FNIP1: variants seen among roughly 807,000 people sequenced by gnomAD.
The protein encoded by FNIP1 is folliculin interacting protein 1, also known as folliculin-interacting protein 1.
In FNIP1, 40 loss-of-function variants were observed where a neutral mutation model predicts 124.5. The observed-to-expected ratio is 0.32, with a 90% CI of 0.25 to 0.42. The LOEUF (loss-of-function observed/expected upper bound fraction) is 0.42. Ranked by LOEUF, FNIP1 falls within the 10% of genes least tolerant of loss-of-function variation. The pLI is 1.00. For synonymous variants in FNIP1, 472 were observed against 470.6 expected, an observed-to-expected ratio of 1.00 and a Z score of -0.04; for missense variants, 1,176 against 1,403.7, an observed-to-expected ratio of 0.84 and a Z score of 2.59.
intron 1 of FNIP1, among the ~76,000 whole-genome samples, chr5:131,775,200 T>C (rs1240296339): frequency 6.6e-6 from 1 of 152,174 alleles, no homozygotes; most frequent in Non-Finnish European, 1.5e-5. Flanking sequence ...ATAAATAAGA[T>C]ATGAGACAGC....
rs1385916018 is a variant in FNIP1, at chr5:131,717,240, T to C, written c.531-584A>G. On this transcript the variant is annotated intron_variant, in intron 5 of 17. Coordinates refer to ENST00000510461, the MANE Select transcript of FNIP1 (RefSeq NM_133372.3). ...TCTATGAGTGAGAACATGTGGTGTT[T>C]GGTTTTTTGTCCTTGTGATAGTTTG... 2.0e-5 allele frequency among the ~76,000 whole-genome samples: 3 copies of C among 152,000 alleles called. No individual in the cohort carries two copies. The East Asian group carries it at 5.8e-4, about 29-fold the overall frequency.
chr5:131,706,392 G>A lies in FNIP1; in HGVS notation c.914+19C>T. 1 of 1,601,356 alleles carries A rather than the reference G, an allele frequency of 6.2e-7. No homozygotes were observed. Among genetic ancestry groups the A allele is most frequent in the East Asian group, 2.2e-5 (1 of 44,698 alleles). ...AAGGAACTACTCAATCTTGTTCTGTGTTTAAAGTTCCAACTTACCATCTAG... is the reference window on the plus strand; with the variant it reads ...AAGGAACTACTCAATCTTGTTCTGTATTTAAAGTTCCAACTTACCATCTAG... On this transcript the variant is annotated intron_variant, in intron 9 of 17. Coordinates refer to ENST00000510461, the MANE Select transcript of FNIP1 (RefSeq NM_133372.3).
At chr5:131,659,568 C>A (rs535255629) in intron 15 of FNIP1, among the ~76,000 whole-genome samples, 7 of 152,300 alleles carry the variant, frequency 4.6e-5, no homozygotes, top group African/African-American at 1.7e-4. Context: ...TTAGTAAGGT[C>A]CCGGCCAGCC....
At position 131,671,665 on chromosome 5, in the gene FNIP1, C is replaced by A; in HGVS notation, c.2779G>T (p.Val927Leu). The change falls in exon 14 of 18, where the codon GTA becomes TTA. Residue 927 changes from valine to leucine, a missense_variant. Coordinates refer to ENST00000510461, the MANE Select transcript of FNIP1 (RefSeq NM_133372.3). ...DKESSDKKIA[V>L]GTEWDIPRNE... Reference sequence around the variant, plus strand: ...CTTGGAATGTCCCATTCAGTTCCTACAGCAATTTTTTTATCTGAACTCTCT... The same window carrying A: ...CTTGGAATGTCCCATTCAGTTCCTAAAGCAATTTTTTTATCTGAACTCTCT... The A allele has an allele frequency of 6.2e-7, 1 of 1,614,170 alleles. No homozygotes were observed. Among genetic ancestry groups the A allele is most frequent in the Non-Finnish European group, 8.5e-7 (1 of 1,180,024 alleles).
chr5:131,792,465 T>C (rs1009015756), intron 1 of FNIP1, among the ~76,000 whole-genome samples: 1 of 152,170 alleles, frequency 6.6e-6, no homozygotes. Context: ...CCAGCCACAA[T>C]TGGCACTTTT....
At chr5:131,794,020 T>C (rs1772494119) in intron 1 of FNIP1, among the ~76,000 whole-genome samples, 1 of 151,618 alleles carries the variant, frequency 6.6e-6, no homozygotes. Flanking sequence ...ATCAAAAGAA[T>C]AAAAAAACGA....
intron 2 of FNIP1, among the ~76,000 whole-genome samples, chr5:131,731,991 A>C (rs1770109693): frequency 6.6e-6 from 1 of 152,232 alleles, no homozygotes; most frequent in African/African-American, 2.4e-5. Context: ...TTAATGAGAG[A>C]ATGAACTTAG....
At chr5:131,659,627 G>T (rs931030453) in intron 15 of FNIP1, among the ~76,000 whole-genome samples, 2 of 152,182 alleles carry the variant, frequency 1.3e-5, no homozygotes, top group African/African-American at 4.8e-5. Context: ...CTCGTAGATG[G>T]GCACTGTGTG....
chr5:131,765,175 C>T (rs1390786799), intron 1 of FNIP1, among the ~76,000 whole-genome samples: 1 of 151,782 alleles, frequency 6.6e-6, no homozygotes, highest in Non-Finnish European at 1.5e-5. Context: ...TGAGCTGTGA[C>T]AATGTTACTG....
chr5:131,648,770 C>G (rs1286452945), intron 16 of FNIP1, among the ~76,000 whole-genome samples: 1 of 152,170 alleles, frequency 6.6e-6, no homozygotes, highest in Non-Finnish European at 1.5e-5. Flanking sequence ...TGCTCATCAT[C>G]TCAAACAAAA....
intron 17 of FNIP1, among the ~76,000 whole-genome samples, chr5:131,645,355 T>C (rs1422069881): frequency 6.6e-6 from 1 of 151,932 alleles, no homozygotes; most frequent in Non-Finnish European, 1.5e-5. Context: ...CCAGATTGTT[T>C]TGGATTCAAA....
At chr5:131,700,739 T>TA (rs1247478537) in intron 10 of FNIP1, among the ~76,000 whole-genome samples, 4,382 of 147,994 alleles carry the variant, frequency 0.03, 211 homozygotes, top group African/African-American at 0.099. Flanking sequence ...AGCTTTTATT[T>TA]AAAAAAAAAA....
chr5:131,779,353 T>C (rs1184201454), intron 1 of FNIP1, among the ~76,000 whole-genome samples: 1 of 151,942 alleles, frequency 6.6e-6, no homozygotes, highest in Non-Finnish European at 1.5e-5. Context: ...TAGTAATTGT[T>C]TCAAGATTCA....
chr5:131,647,164 G>A lies in FNIP1; in HGVS notation c.3348C>T (p.Phe1116=). 2 of 1,614,116 alleles carry A rather than the reference G, an allele frequency of 1.2e-6. No individual in the cohort carries two copies. Among genetic ancestry groups the A allele is most frequent in the Non-Finnish European group, 1.7e-6 (2 of 1,179,998 alleles). Residue 1116 remains phenylalanine (F), a synonymous_variant, in exon 17 of 18, where the codon TTC becomes TTT. Coordinates refer to ENST00000510461, the MANE Select transcript of FNIP1 (RefSeq NM_133372.3). ...GGTATTCAGACAGCATTTTACTTTT[G>A]AAGTATAGCTCCTGCAACCGGTCTT... ...HLEDRLQELY[F]KSKMLSEYLR...
In FNIP1 at chr5:131,644,548, C is replaced by G; in HGVS notation, c.*137G>C. On this transcript the variant is annotated 3_prime_UTR_variant, in exon 18 of 18. Transcript: ENST00000510461. The stretch of plus-strand genomic sequence containing the variant: ...TCTGACATACACAGAATATACAATG[C>G]TATGCAGAATACCCTGGTGACTGAC... 1 of 679,694 alleles carries G rather than the reference C, an allele frequency of 1.5e-6. No individual in the cohort carries two copies. Among genetic ancestry groups the G allele is most frequent in the South Asian group, 1.8e-5 (1 of 56,158 alleles). The allele number at this position is 679,694 out of a possible 1,614,324, so 42.1% of individuals were successfully genotyped here. A position where few individuals can be genotyped will look rare whatever the true frequency, so the allele number is the denominator to read the frequency against.
Position 131,730,939 on chromosome 5 carries a change from A to G in FNIP1, c.319T>C (p.Ser107Pro), listed in dbSNP as rs1206989027. The change falls in exon 3 of 18, where the codon TCT becomes CCT. Residue 107 changes from serine to proline, a missense_variant. Physicochemically the swap from Ser to Pro is moderately conservative, Grantham distance 74. Transcript: ENST00000510461. The stretch of plus-strand genomic sequence containing the variant: ...AGACACTGGTCTTTTATATCAGAAG[A>G]TGAAGTCACAGAACTATCTAAAGAG... ...SSSLDSSVTS[S>P]SDIKDQCLKY... 2 of 1,610,030 alleles carry G rather than the reference A, an allele frequency of 1.2e-6. No individual in the cohort carries two copies. Among genetic ancestry groups the G allele is most frequent in the Non-Finnish European group, 1.7e-6 (2 of 1,178,330 alleles).
intron 1 of FNIP1, among the ~76,000 whole-genome samples, chr5:131,753,405 A>G (rs1266125679): frequency 1.3e-5 from 2 of 152,234 alleles, no homozygotes; most frequent in Admixed American, 1.3e-4. Context: ...CTACATTGAA[A>G]TACTACTCAG....
At chr5:131,690,139 T>C (rs1340974021) in intron 11 of FNIP1, among the ~76,000 whole-genome samples, 1 of 151,764 alleles carries the variant, frequency 6.6e-6, no homozygotes, top group Admixed American at 6.6e-5. Flanking sequence ...AGGAGAATGG[T>C]GTGAACCCGG....
At position 131,778,443 on chromosome 5, in the gene FNIP1, G is replaced by A. The variant is rs182993577; in HGVS notation, c.92+18387C>T. Reference sequence around the variant, plus strand: ...GAGAAAGGCAAATCAAAACCACTATGAGATATCATCTCACACCAGTTAGAA... The same window carrying A: ...GAGAAAGGCAAATCAAAACCACTATAAGATATCATCTCACACCAGTTAGAA... On this transcript the variant is annotated intron_variant, in intron 1 of 17. Coordinates refer to ENST00000510461, the MANE Select transcript of FNIP1 (RefSeq NM_133372.3). Among the ~76,000 whole-genome samples, 482 of 151,164 alleles carry A rather than the reference G, an allele frequency of 3.2e-3. 6 individuals carry two copies. Among genetic ancestry groups the A allele is most frequent in the African/African-American group, 0.012 (473 of 41,124 alleles).
Sources: gnomAD v4.1 joint callset for allele counts (sites outside exome capture counted in the v4.1 genomes callset) on GRCh38, gnomAD v4.1.1 for gene constraint, MANE v1.5 for transcripts, NCBI Gene and HGNC (gene_info 2026-07-23, HGNC 2026-07-21) for gene names.